DIMT1: variants seen among roughly 807,000 people sequenced by gnomAD.
DIMT1 encodes the protein DIM1 rRNA methyltransferase and ribosome maturation factor, also known as dimethyladenosine transferase.
A neutral mutation model predicts 43.2 loss-of-function variants in DIMT1; 36 were observed. The observed-to-expected ratio is 0.83, with a 90% CI of 0.64 to 1.10. The LOEUF (loss-of-function observed/expected upper bound fraction) is 1.10. DIMT1 is among the 50% of genes least tolerant of loss of function. The pLI, the probability that DIMT1 is intolerant of heterozygous loss-of-function variation, is 0.00. For missense variants in DIMT1, 341 were observed against 385.3 expected (o/e 0.88, Z 0.96); for synonymous variants, 126 against 130.3 (o/e 0.97, Z 0.22).
chr5:62,400,158 C>T (rs1272994254), intron 3 of DIMT1, among the ~76,000 whole-genome samples: 12 of 152,094 alleles, frequency 7.9e-5, no homozygotes, highest in Non-Finnish European at 2.9e-5. Flanking sequence ...TAGATAACTT[C>T]TCAAGTAAAT....
rs1742137656 is a variant in DIMT1, at chr5:62,388,417, C to T, written c.*593G>A. ...GTGGCAGTAGCAGACTTGGGCTTAC[C>T]CAGAACCCTAAGTCTCTGACGCTAT... On this transcript the variant is annotated 3_prime_UTR_variant, in exon 12 of 12. Coordinates refer to ENST00000199320, the MANE Select transcript of DIMT1 (RefSeq NM_014473.4). 1 of 152,260 alleles carries T rather than the reference C, an allele frequency of 6.6e-6. No individual in the cohort carries two copies. The highest frequency in any genetic ancestry group is 2.4e-5 in the African/African-American group (1 of 41,422). The allele number at this position is 152,260 out of a possible 1,614,324, so 9.4% of individuals were successfully genotyped here. A position where few individuals can be genotyped will look rare whatever the true frequency, so the allele number is the denominator to read the frequency against.
At chr5:62,402,216 T>C (rs1561294539) in intron 2 of DIMT1, 94 bp from the exon 3 acceptor site, 1 of 1,203,316 alleles carries the variant, frequency 8.3e-7, no homozygotes, top group East Asian at 2.4e-5. Context: ...TGTGCTCCGA[T>C]AAGAGCTCTT....
At chr5:62,391,797 A>C (rs1308781168) in intron 10 of DIMT1, 1 of 1,407,248 alleles carries the variant, frequency 7.1e-7, no homozygotes, top group African/African-American at 1.4e-5. Context: ...CTATGTGAGC[A>C]AGAAACAAGA....
At chr5:62,395,495 G>A (rs928495150) in intron 6 of DIMT1, among the ~76,000 whole-genome samples, 2 of 152,050 alleles carry the variant, frequency 1.3e-5, no homozygotes, top group African/African-American at 4.8e-5. Flanking sequence ...ATGTATATGT[G>A]TTTATATTGT....
In DIMT1 at chr5:62,403,345, TC is replaced by T; in HGVS notation, c.80del (p.Gly27AspfsTer13). The T allele has an allele frequency of 6.2e-7, 1 of 1,613,588 alleles. No homozygotes were observed. The highest frequency in any genetic ancestry group is 8.5e-7 in the Non-Finnish European group (1 of 1,179,636). On this transcript the variant is annotated frameshift_variant and splice_region_variant, in exon 2 of 12. Coordinates refer to ENST00000199320, the MANE Select transcript of DIMT1 (RefSeq NM_014473.4). LOFTEE classifies it high-confidence loss of function. ...EQRRELKSAG[G>X]LMFNTGIGQH... ...GCCCAATCCCCGTGTTGAACATGAG[TC>T]CTGTAAGAAAATACGAAACAGCATT...
chr5:62,401,042 T>C (rs565801472), intron 3 of DIMT1, among the ~76,000 whole-genome samples: 1 of 152,250 alleles, frequency 6.6e-6, no homozygotes, highest in East Asian at 1.9e-4. Flanking sequence ...TGAGCCACCA[T>C]GAAAGGCCCT....
chr5:62,397,878 G>A (rs1362591534), intron 6 of DIMT1, among the ~76,000 whole-genome samples: 3 of 152,162 alleles, frequency 2.0e-5, no homozygotes, highest in Non-Finnish European at 4.4e-5. Flanking sequence ...TCGATCTCCT[G>A]ACCTCATGAT....
At chr5:62,392,129 G>T in intron 10 of DIMT1, 42 bp downstream of exon 10, 1 of 1,606,250 alleles carries the variant, frequency 6.2e-7, no homozygotes, top group Non-Finnish European at 8.5e-7. Context: ...CATTTTAAAA[G>T]AAAACAAATC....
intron 6 of DIMT1, 135 bp from the exon 7 acceptor site, chr5:62,394,742 C>A: frequency 2.3e-6 from 3 of 1,279,660 alleles, no homozygotes; most frequent in Non-Finnish European, 2.1e-6. Context: ...ACACATTCAG[C>A]CTTTTTTTTA....
intron 11 of DIMT1, among the ~76,000 whole-genome samples, chr5:62,390,525 T>C (rs1008221840): frequency 2.1e-4 from 32 of 152,188 alleles, no homozygotes; most frequent in African/African-American, 7.7e-4. Flanking sequence ...TTCTACCTTA[T>C]GGACTATTTT....
rs147264869 is a variant in DIMT1, at chr5:62,392,370, C to A, written c.729-136G>T. 71 of 679,810 alleles carry A rather than the reference C, an allele frequency of 1.0e-4. No individual in the cohort carries two copies. In the African/African-American group the frequency reaches 1.2e-3, roughly 11 times the overall value. The allele number at this position is 679,810 out of a possible 1,614,324, so 42.1% of individuals were successfully genotyped here. On this transcript the variant is annotated intron_variant, in intron 9 of 11. Coordinates refer to ENST00000199320, the MANE Select transcript of DIMT1 (RefSeq NM_014473.4). ...TTTTAGATGAAATTAAATCTATATT[C>A]TGTATGGTGAAATTAAGGAATTTTA...
intron 6 of DIMT1, among the ~76,000 whole-genome samples, chr5:62,395,181 C>G (rs1580124081): frequency 1.3e-5 from 2 of 152,054 alleles, no homozygotes; most frequent in Non-Finnish European, 1.5e-5. Context: ...CACACTACCA[C>G]CCCTGGCCAA....
chr5:62,399,167 T>G (rs2112051327), intron 3 of DIMT1, among the ~76,000 whole-genome samples: 1 of 150,856 alleles, frequency 6.6e-6, no homozygotes, highest in South Asian at 2.1e-4. Context: ...CCATCTCTAC[T>G]AAAAATACAA....
At chr5:62,394,653 T>A (rs768117132) in intron 6 of DIMT1, 46 bp from the exon 7 acceptor site, 1 of 1,606,118 alleles carries the variant, frequency 6.2e-7, no homozygotes, top group South Asian at 1.1e-5. Context: ...CATTGTCAAC[T>A]ATAAATGAAT....
intron 2 of DIMT1, among the ~76,000 whole-genome samples, chr5:62,402,422 CTT>C (rs1432279128): frequency 2.0e-5 from 3 of 152,208 alleles, no homozygotes; most frequent in Non-Finnish European, 2.9e-5. Context: ...CCAATAGCCT[CTT>C]GTTACCTTCT....
At position 62,390,904 on chromosome 5, in the gene DIMT1, G is replaced by T; in HGVS notation, c.871C>A (p.Arg291Ser). 6.2e-7 allele frequency: 1 copy of T among 1,612,060 alleles called. No homozygotes were observed. Among genetic ancestry groups the T allele is most frequent in the Non-Finnish European group, 8.5e-7 (1 of 1,179,816 alleles). Residue 291 changes from arginine to serine, a missense_variant, in exon 11 of 12, where the codon CGT (arginine) becomes AGT (serine). By Grantham distance (110) the Arg-to-Ser change is moderately radical. Transcript: ENST00000199320. ...TSTGFSDKRA[R>S]SMDIDDFIRL... ...ATGAAGTCATCTATGTCCATGGAAC[G>T]GGCCCGTTTGTCACTAAAACCTGTG...
chr5:62,392,301 ACT>A, intron 9 of DIMT1, 67 bp from the exon 10 acceptor site: 3 of 1,410,842 alleles, frequency 2.1e-6, no homozygotes, highest in South Asian at 2.5e-5. Context: ...ACTTTTTTAA[ACT>A]TTTTTTTAAC....
At chr5:62,389,485 C>CAAACAAAAAAAA (rs1742195589) in intron 11 of DIMT1, among the ~76,000 whole-genome samples, 1 of 75,916 alleles carries the variant, frequency 1.3e-5, no homozygotes, top group Non-Finnish European at 2.5e-5. Context: ...GACTCTGTCT[C>CAAACAAAAAAAA]AAAAAAAAAA....
At chr5:62,397,138 T>C (rs1342717652) in intron 6 of DIMT1, among the ~76,000 whole-genome samples, 2 of 151,962 alleles carry the variant, frequency 1.3e-5, no homozygotes, top group Non-Finnish European at 2.9e-5. Flanking sequence ...TTAGTAGAGA[T>C]GGGGTTTCAC....
Sources: allele counts gnomAD v4.1 joint callset (sites outside exome capture counted in the v4.1 genomes callset), GRCh38; gene constraint gnomAD v4.1.1; transcripts MANE v1.5; gene names NCBI Gene and HGNC (gene_info 2026-07-23, HGNC 2026-07-21).